SCAPER: variants seen among roughly 807,000 people sequenced by gnomAD.
SCAPER encodes the protein S phase cyclin A-associated protein in the endoplasmic reticulum.
A neutral mutation model predicts 182.2 loss-of-function variants in SCAPER; 98 were observed. That is an observed-to-expected ratio of 0.54 (90% confidence interval 0.46 to 0.64). The LOEUF (loss-of-function observed/expected upper bound fraction) is 0.64, where lower values mean the gene tolerates loss of function less well. SCAPER is among the 30% of genes least tolerant of loss of function. The pLI, the probability that SCAPER is intolerant of heterozygous loss-of-function variation, is 0.00. For missense variants in SCAPER, 1,432 were observed against 1,690.0 expected (o/e 0.85, Z 2.68); for synonymous variants, 605 against 564.6 (o/e 1.07, Z -1.01).
chr15:76,419,010 C>T (rs1032472197), intron 26 of SCAPER, among the ~76,000 whole-genome samples: 3 of 152,238 alleles, frequency 2.0e-5, no homozygotes, highest in Admixed American at 6.5e-5. Flanking sequence ...GACCTCTGCA[C>T]GAACATGTAC....
chr15:76,717,159 A>C lies in SCAPER; in HGVS notation c.2166-11175T>G, dbSNP rs910498922. 6.9e-4 allele frequency among the ~76,000 whole-genome samples: 103 copies of C among 149,160 alleles called. 1 individual carries two copies. Among genetic ancestry groups the C allele is most frequent in the Non-Finnish European group, 1.1e-3 (73 of 67,436 alleles). ...ATGAAAGGGAAAAAAAAAAAAAAAAAACCTGCCGGCTAAGAATACTATACC... is the reference window on the plus strand; with the variant it reads ...ATGAAAGGGAAAAAAAAAAAAAAAACACCTGCCGGCTAAGAATACTATACC... On this transcript the variant is annotated intron_variant, in intron 17 of 31. Transcript: ENST00000563290.
At position 76,562,148 on chromosome 15, in the gene SCAPER, CAAAA is replaced by C. The variant is rs66722088; in HGVS notation, c.2838+12006_2838+12009del. ...GGGCAACAAGAGCAAAACTTCATCT[CAAAA>C]AAAAAAAAAAAAAAAAAATTAATAC... On this transcript the variant is annotated intron_variant, in intron 23 of 31. Coordinates refer to ENST00000563290, the MANE Select transcript of SCAPER (RefSeq NM_020843.4). Among the ~76,000 whole-genome samples, 8 of 74,054 alleles carry C rather than the reference CAAAA, an allele frequency of 1.1e-4. No individual in the cohort carries two copies. In the South Asian group the frequency reaches 2.1e-3, roughly 19 times the overall value. 48.6% of individuals were successfully genotyped at this position (74,054 alleles called of 152,430 possible).
At chr15:76,519,536 A>T (rs2042684850) in intron 23 of SCAPER, among the ~76,000 whole-genome samples, 1 of 152,182 alleles carries the variant, frequency 6.6e-6, no homozygotes. Context: ...AGCCCAGAAC[A>T]TCTACTGTCC....
chr15:76,863,294 C>G (rs948609324), intron 2 of SCAPER, among the ~76,000 whole-genome samples: 1 of 152,218 alleles, frequency 6.6e-6, no homozygotes, highest in African/African-American at 2.4e-5. Flanking sequence ...CATGTGAACA[C>G]GAGGATGCAG....
In SCAPER at chr15:76,568,020, A is replaced by G. The variant is rs150853996; in HGVS notation, c.2838+6138T>C. 5.3e-3 allele frequency among the ~76,000 whole-genome samples: 813 copies of G among 152,044 alleles called. 12 individuals carry two copies. Among genetic ancestry groups the G allele is most frequent in the African/African-American group, 0.018 (753 of 41,504 alleles). ...CTTTTCATATTTAGATCCATCTGGAATCAATTTTTTGTTTATGATGTGAGA... is the reference window on the plus strand; with the variant it reads ...CTTTTCATATTTAGATCCATCTGGAGTCAATTTTTTGTTTATGATGTGAGA... On this transcript the variant is annotated intron_variant, in intron 23 of 31. Coordinates refer to ENST00000563290, the MANE Select transcript of SCAPER (RefSeq NM_020843.4).
intron 25 of SCAPER, among the ~76,000 whole-genome samples, chr15:76,462,556 T>A (rs2049271157): frequency 6.6e-6 from 1 of 152,202 alleles, no homozygotes; most frequent in East Asian, 1.9e-4. Flanking sequence ...CTGAAACCTT[T>A]TACACCTTTA....
chr15:76,728,813 A>G (rs1042514807), intron 16 of SCAPER, 76 bp from the exon 17 acceptor site: 1 of 1,454,686 alleles, frequency 6.9e-7, no homozygotes, highest in African/African-American at 1.4e-5. Flanking sequence ...TATACCTTTC[A>G]CCAAACTTAC....
At chr15:76,664,083 T>C (rs2056396151) in intron 21 of SCAPER, among the ~76,000 whole-genome samples, 1 of 152,162 alleles carries the variant, frequency 6.6e-6, no homozygotes, top group Non-Finnish European at 1.5e-5. Flanking sequence ...GCCAGCTGTA[T>C]GGATGTATGT....
intron 27 of SCAPER, among the ~76,000 whole-genome samples, chr15:76,395,463 C>G (rs1036969600): frequency 2.6e-5 from 4 of 152,174 alleles, no homozygotes. Flanking sequence ...GCATTCCCAC[C>G]AACAGCGTAT....
intron 27 of SCAPER, among the ~76,000 whole-genome samples, chr15:76,383,819 T>C (rs1296749324): frequency 6.6e-6 from 1 of 152,248 alleles, no homozygotes; most frequent in Non-Finnish European, 1.5e-5. Context: ...TCTCAATGTC[T>C]TCTTCTAAGT....
intron 22 of SCAPER, among the ~76,000 whole-genome samples, chr15:76,615,490 C>CAG (rs1320142806): frequency 1.2e-5 from 1 of 84,202 alleles, no homozygotes; most frequent in African/African-American, 4.4e-5. Flanking sequence ...CACACACACA[C>CAG]AGACACACAC....
At chr15:76,858,342 T>C (rs1262988723) in intron 3 of SCAPER, among the ~76,000 whole-genome samples, 2 of 152,230 alleles carry the variant, frequency 1.3e-5, no homozygotes, top group East Asian at 1.9e-4. Flanking sequence ...ACAATTTCAC[T>C]GCGAAAAGTG....
chr15:76,826,497 T>G (rs181138304), intron 5 of SCAPER, among the ~76,000 whole-genome samples: 2 of 150,898 alleles, frequency 1.3e-5, no homozygotes. Flanking sequence ...CACCAGCATG[T>G]CACATGTATA....
chr15:76,539,348 G>T (rs1420255918), intron 23 of SCAPER, among the ~76,000 whole-genome samples: 1 of 152,060 alleles, frequency 6.6e-6, no homozygotes, highest in African/African-American at 2.4e-5. Flanking sequence ...CATTCACAAA[G>T]AAAAGCCTGG....
chr15:76,358,277 C>A (rs187540529), intron 29 of SCAPER, among the ~76,000 whole-genome samples: 144 of 152,316 alleles, frequency 9.5e-4, no homozygotes, highest in African/African-American at 3.3e-3. Flanking sequence ...GAGACAAGAC[C>A]GTAGGTGCAT....
intron 22 of SCAPER, among the ~76,000 whole-genome samples, chr15:76,579,413 G>T (rs1426670278): frequency 6.6e-6 from 1 of 151,574 alleles, no homozygotes; most frequent in East Asian, 1.9e-4. Context: ...TTCTTTGCTT[G>T]TTTGTTATTT....
intron 27 of SCAPER, among the ~76,000 whole-genome samples, chr15:76,390,248 C>A (rs746399105): frequency 2.6e-5 from 4 of 152,162 alleles, no homozygotes; most frequent in Non-Finnish European, 5.9e-5. Context: ...AGCCACTGTG[C>A]CTGGCTAAAG....
At chr15:76,847,471 G>C (rs2070229928) in intron 4 of SCAPER, among the ~76,000 whole-genome samples, 1 of 152,120 alleles carries the variant, frequency 6.6e-6, no homozygotes, top group Admixed American at 6.5e-5. Flanking sequence ...ATAACTAAGA[G>C]TGTAACTAGA....
chr15:76,885,061 T>C lies in SCAPER; in HGVS notation c.-59-1185A>G, dbSNP rs8032271. Among the ~76,000 whole-genome samples the C allele has an allele frequency of 1.9e-3, 283 of 152,344 alleles. 1 individual carries two copies. Among genetic ancestry groups the C allele is most frequent in the African/African-American group, 6.5e-3 (269 of 41,580 alleles). ...ACTGCTAATAAGCACACGGTTTCTT[T>C]AGGGGGTGATGAAAATGTTCTAAAA... On this transcript the variant is annotated intron_variant, in intron 1 of 31. Coordinates refer to ENST00000563290, the MANE Select transcript of SCAPER (RefSeq NM_020843.4).
Sources: gnomAD v4.1 joint callset for allele counts (sites outside exome capture counted in the v4.1 genomes callset) on GRCh38, gnomAD v4.1.1 for gene constraint, MANE v1.5 for transcripts, NCBI Gene and HGNC (gene_info 2026-07-23, HGNC 2026-07-21) for gene names.